ZNF728: variants seen among roughly 807,000 people sequenced by gnomAD.
The protein encoded by ZNF728 is zinc finger protein 728.
A neutral mutation model predicts 12.5 loss-of-function variants in ZNF728; 12 were observed. That is an observed-to-expected ratio of 0.96 (90% CI 0.61 to 1.55). The LOEUF (loss-of-function observed/expected upper bound fraction) is 1.55. Ranked by LOEUF, ZNF728 falls within the 40% of genes most tolerant of loss-of-function variation. ZNF728 has a pLI of 0.00. For missense variants in ZNF728, 692 were observed against 719.2 expected (o/e 0.96, Z 0.43); for synonymous variants, 205 against 240.7 (o/e 0.85, Z 1.37).
Position 22,991,740 on chromosome 19 carries a change from C to T in ZNF728, c.4-3289G>A, listed in dbSNP as rs62122540. Among the ~76,000 whole-genome samples the T allele has an allele frequency of 2.0e-4, 30 of 152,126 alleles. No individual in the cohort carries two copies. In the South Asian group the frequency reaches 2.7e-3, roughly 14 times the overall value. On this transcript the variant is annotated intron_variant, in intron 1 of 3. Transcript: ENST00000594710. Reference sequence around the variant, plus strand: ...TAATCAGTTCTGTGAGGCAAGACTCCGGGGTAGAGCCAGACATAAATAAGG... The same window carrying T: ...TAATCAGTTCTGTGAGGCAAGACTCTGGGGTAGAGCCAGACATAAATAAGG...
intron 3 of ZNF728, among the ~76,000 whole-genome samples, chr19:22,979,018 T>C (rs1234642828): frequency 3.3e-5 from 5 of 152,044 alleles, no homozygotes; most frequent in African/African-American, 7.2e-5. Flanking sequence ...GTTTGACAAA[T>C]TGACAGAAGT....
At chr19:22,995,195 G>C (rs1428735717) in intron 1 of ZNF728, 1 of 152,248 alleles carries the variant, frequency 6.6e-6, no homozygotes, top group Non-Finnish European at 1.5e-5. Flanking sequence ...GGGACTAATA[G>C]GGTTTCTGAA....
chr19:22,988,408 T>C lies in ZNF728; in HGVS notation c.47A>G (p.Glu16Gly), dbSNP rs1968942993. ...TGCAGTGTCCAGGCATTGCCACTCCTCCAGAGAGAATTGTATGGCCACATC... is the reference window on the plus strand; with the variant it reads ...TGCAGTGTCCAGGCATTGCCACTCCCCCAGAGAGAATTGTATGGCCACATC... The part of the protein sequence containing the change: ...FRDVAIQFSL[E>G]EWQCLDTAQQ... The change falls in exon 2 of 4, where the codon GAG (glutamate) becomes GGG (glycine). Residue 16 changes from glutamate to glycine, a missense_variant. Glu to Gly is a moderately conservative substitution (Grantham distance 98, BLOSUM62 -2). Around this residue, in one of 3 missense-constraint regions of ZNF728, gnomAD observed 440 missense variants for 459.6 expected, o/e 0.96. Transcript: ENST00000594710. 6.2e-7 allele frequency: 1 copy of C among 1,614,066 alleles called. No individual in the cohort carries two copies. The highest frequency in any genetic ancestry group is 1.1e-5 in the South Asian group (1 of 91,082).
Position 22,975,318 on chromosome 19 carries a change from C to A in ZNF728, c.*150G>T. The A allele has an allele frequency of 1.8e-5, 11 of 613,810 alleles. No homozygotes were observed. The highest frequency in any genetic ancestry group is 2.7e-5 in the Non-Finnish European group (10 of 371,056). The allele number at this position is 613,810 out of a possible 1,614,324, so 38.0% of individuals were successfully genotyped here. A position where few individuals can be genotyped will look rare whatever the true frequency, so the allele number is the denominator to read the frequency against. On this transcript the variant is annotated 3_prime_UTR_variant, in exon 4 of 4. Transcript: ENST00000594710. ...ACATTCCACACAATTGTAGGAATTCCCTCCAGTATGAATTACCTTATGTTT... is the reference window on the plus strand; with the variant it reads ...ACATTCCACACAATTGTAGGAATTCACTCCAGTATGAATTACCTTATGTTT...
intron 1 of ZNF728, among the ~76,000 whole-genome samples, chr19:22,992,663 G>A (rs1364264685): frequency 6.6e-6 from 1 of 152,036 alleles, no homozygotes; most frequent in African/African-American, 2.4e-5. Flanking sequence ...CGAGTACAGG[G>A]AACTTGAAAA....
chr19:22,998,689 CA>C, intron 1 of ZNF728, among the ~76,000 whole-genome samples: 1 of 152,182 alleles, frequency 6.6e-6, no homozygotes, highest in East Asian at 1.9e-4. Context: ...ATACAACCCC[CA>C]AAAAGTCAAA....
chr19:22,995,777 C>G (rs1007948596), intron 1 of ZNF728: 2 of 152,204 alleles, frequency 1.3e-5, no homozygotes, highest in African/African-American at 4.8e-5. Flanking sequence ...ATCTCTGCTG[C>G]TCTCTTATTT....
intron 3 of ZNF728, among the ~76,000 whole-genome samples, chr19:22,985,304 A>C (rs1968904464): frequency 6.6e-6 from 1 of 152,212 alleles, no homozygotes; most frequent in East Asian, 1.9e-4. Context: ...AACAGCAAGA[A>C]AGTCTGTCAG....
chr19:22,979,139 C>T (rs1968836155), intron 3 of ZNF728, among the ~76,000 whole-genome samples: 1 of 152,050 alleles, frequency 6.6e-6, no homozygotes. Context: ...GAATTGCTAA[C>T]AGGAAGAACC....
chr19:22,978,302 T>TAAA (rs35513624), intron 3 of ZNF728, among the ~76,000 whole-genome samples: 4 of 128,020 alleles, frequency 3.1e-5, no homozygotes, highest in East Asian at 4.7e-4. Flanking sequence ...GTCAAAGTCC[T>TAAA]AAAAAAAAAA....
chr19:22,987,214 T>C, intron 3 of ZNF728, 94 bp downstream of exon 3: 1 of 1,165,956 alleles, frequency 8.6e-7, no homozygotes, highest in Non-Finnish European at 1.2e-6. Flanking sequence ...AAACTATTTC[T>C]TTTGGAACAC....
Position 23,003,034 on chromosome 19 carries a change from TA to T in ZNF728, c.-5del. ...TCGGACCCGGCTGACTCACCATTTCTAGGCTTCCGGGGGTCCTGGCGACTTA... is the reference window on the plus strand; with the variant it reads ...TCGGACCCGGCTGACTCACCATTTCTGGCTTCCGGGGGTCCTGGCGACTTA... On this transcript the variant is annotated 5_prime_UTR_variant, in exon 1 of 4. Coordinates refer to ENST00000594710, the MANE Select transcript of ZNF728 (RefSeq NM_001267716.2). 6.3e-7 allele frequency: 1 copy of T among 1,583,680 alleles called. No individual in the cohort carries two copies. Among genetic ancestry groups the T allele is most frequent in the Non-Finnish European group, 8.6e-7 (1 of 1,165,030 alleles).
At position 23,003,059 on chromosome 19, in the gene ZNF728, T is replaced by A; in HGVS notation, c.-29A>T. 2 of 1,575,940 alleles carry A rather than the reference T, an allele frequency of 1.3e-6. No individual in the cohort carries two copies. ...TAGGCTTCCGGGGGTCCTGGCGACT[T>A]AGTTGTGAATCTCCCAATACCTGCA... On this transcript the variant is annotated 5_prime_UTR_variant, in exon 1 of 4. Transcript: ENST00000594710.
Position 22,989,217 on chromosome 19 carries a change from AT to A in ZNF728, c.4-767del, listed in dbSNP as rs5827548. On this transcript the variant is annotated intron_variant, in intron 1 of 3. Transcript: ENST00000594710. ...GGAGATCCCATTAATGCAGATTATT[AT>A]TTTTTTTTTTCAGAACATCAGGGAT... is the stretch of plus-strand genomic sequence containing the variant. Among the ~76,000 whole-genome samples the A allele has an allele frequency of 2.5e-3, 375 of 148,970 alleles. 1 individual carries two copies. The highest frequency in any genetic ancestry group is 0.014 in the Middle Eastern group (4 of 284).
chr19:23,000,759 T>G (rs1035591558), intron 1 of ZNF728, among the ~76,000 whole-genome samples: 2 of 151,138 alleles, frequency 1.3e-5, no homozygotes, highest in African/African-American at 4.9e-5. Flanking sequence ...TCCCACCTAC[T>G]TGGGAGGCTG....
rs181761869 is a variant in ZNF728 at position 22,984,530 on chromosome 19, G to C, written c.226+2778C>G. Among the ~76,000 whole-genome samples the C allele has an allele frequency of 3.1e-4, 42 of 135,624 alleles. 1 individual carries two copies. Among genetic ancestry groups the C allele is most frequent in the Admixed American group, 2.6e-3 (32 of 12,126 alleles). The allele number at this position is 135,624 out of a possible 152,430, so 89.0% of individuals were successfully genotyped here. On this transcript the variant is annotated intron_variant, in intron 3 of 3. Coordinates refer to ENST00000594710, the MANE Select transcript of ZNF728 (RefSeq NM_001267716.2). ...GCCAAGATTGTGCCGCTACACTCCA[G>C]CCTGGAGATAGAGCGAGACTCCATC...
intron 1 of ZNF728, among the ~76,000 whole-genome samples, chr19:22,991,802 G>C (rs1012741542): frequency 3.9e-5 from 6 of 152,306 alleles, no homozygotes. Flanking sequence ...GGCTGGGGCA[G>C]AGCGTACAGC....
chr19:22,975,369 A>C lies in ZNF728; in HGVS notation c.*99T>G. Reference sequence around the variant, plus strand: ...AGTAAGGATTGAGGAACAGTTAAAAAATTTGCCACATTCTTCACATTTGTA... The same window carrying C: ...AGTAAGGATTGAGGAACAGTTAAAACATTTGCCACATTCTTCACATTTGTA... On this transcript the variant is annotated 3_prime_UTR_variant, in exon 4 of 4. Coordinates refer to ENST00000594710, the MANE Select transcript of ZNF728 (RefSeq NM_001267716.2). 8.8e-7 allele frequency: 1 copy of C among 1,131,994 alleles called. No individual in the cohort carries two copies. The highest frequency in any genetic ancestry group is 1.5e-5 in the South Asian group (1 of 66,116). The allele number at this position is 1,131,994 out of a possible 1,614,324, so 70.1% of individuals were successfully genotyped here.
At chr19:22,979,428 T>C (rs189329938) in intron 3 of ZNF728, among the ~76,000 whole-genome samples, 3 of 152,236 alleles carry the variant, frequency 2.0e-5, no homozygotes, top group East Asian at 3.9e-4. Context: ...GGAACCAAGT[T>C]GGAAAACACT....
Sources: allele counts gnomAD v4.1 joint callset (sites outside exome capture counted in the v4.1 genomes callset), GRCh38; gene constraint gnomAD v4.1.1; regional missense constraint gnomAD v4.1.1; transcripts MANE v1.5; gene names NCBI Gene and HGNC (gene_info 2026-07-23, HGNC 2026-07-21).